The following LINGO2 variants were observed in gnomAD, a reference collection of about 807,000 sequenced individuals.
LINGO2 encodes leucine rich repeat and Ig domain containing 2, also known as leucine-rich repeat and immunoglobulin-like domain-containing nogo receptor-interacting protein 2.
A neutral mutation model predicts 30.6 loss-of-function variants in LINGO2; 14 were observed. The observed-to-expected ratio is 0.46, with a 90% CI of 0.30 to 0.72. LINGO2 has a LOEUF of 0.72. LINGO2 is among the 30% of genes least tolerant of loss of function. LINGO2 has a pLI of 0.07. For missense variants in LINGO2, 729 were observed against 751.7 expected (o/e 0.97, Z 0.35); for synonymous variants, 317 against 288.5 (o/e 1.10, Z -1.00).
the LINGO2 span, among the ~76,000 whole-genome samples, chr9:28,884,871 C>G: frequency 7.4e-6 from 1 of 134,696 alleles, no homozygotes; most frequent in Non-Finnish European, 1.6e-5. Context: ...TATATACACA[C>G]ATATACACTA....
the LINGO2 span, among the ~76,000 whole-genome samples, chr9:28,711,812 G>C: frequency 1.8e-4 from 28 of 152,160 alleles, no homozygotes; most frequent in Non-Finnish European, 3.2e-4. Flanking sequence ...AACACATTTA[G>C]TACAGTGCCT....
At chr9:28,815,814 C>A in the LINGO2 span, among the ~76,000 whole-genome samples, 5 of 152,184 alleles carry the variant, frequency 3.3e-5, no homozygotes, top group Admixed American at 2.6e-4. Context: ...CATGGGATTG[C>A]CTCTAGAAGA....
intron 1 of LINGO2, among the ~76,000 whole-genome samples, chr9:28,567,227 A>G (rs970155623): frequency 3.3e-5 from 5 of 152,168 alleles, no homozygotes; most frequent in African/African-American, 9.6e-5. Flanking sequence ...GGAAAACAGT[A>G]GAAAATTTCT....
At chr9:28,159,048 T>A (rs1004122711) in intron 4 of LINGO2, among the ~76,000 whole-genome samples, 1 of 152,216 alleles carries the variant, frequency 6.6e-6, no homozygotes, top group African/African-American at 2.4e-5. Context: ...TAGATATGAA[T>A]GACTGCTAGA....
chr9:28,087,607 G>C (rs568654485), intron 4 of LINGO2, among the ~76,000 whole-genome samples: 1 of 152,054 alleles, frequency 6.6e-6, no homozygotes, highest in East Asian at 1.9e-4. Flanking sequence ...TCATGAAATA[G>C]ATCCCTATGT....
At chr9:28,867,709 C>T in the LINGO2 span, among the ~76,000 whole-genome samples, 1 of 152,020 alleles carries the variant, frequency 6.6e-6, no homozygotes, top group Non-Finnish European at 1.5e-5. Flanking sequence ...TTGAGGCACA[C>T]AAAAAAGTGT....
At chr9:28,561,370 G>A (rs952775675) in intron 1 of LINGO2, among the ~76,000 whole-genome samples, 1 of 151,632 alleles carries the variant, frequency 6.6e-6, no homozygotes, top group African/African-American at 2.4e-5. Context: ...AGTATCATAG[G>A]GAATCTGTGG....
chr9:28,693,661 T>C, the LINGO2 span, among the ~76,000 whole-genome samples: 4 of 152,222 alleles, frequency 2.6e-5, no homozygotes, highest in South Asian at 2.1e-4. Flanking sequence ...TGGAGTTAAA[T>C]AAGTTCTCAT....
chr9:28,745,815 T>G, the LINGO2 span, among the ~76,000 whole-genome samples: 1 of 152,048 alleles, frequency 6.6e-6, no homozygotes, highest in South Asian at 2.1e-4. Context: ...ACTCCAATGT[T>G]TGTGTCCTGA....
chr9:28,252,839 T>C (rs1330022416), intron 4 of LINGO2, among the ~76,000 whole-genome samples: 4 of 152,114 alleles, frequency 2.6e-5, no homozygotes, highest in Admixed American at 6.5e-5. Context: ...GATTTAATTA[T>C]GCCTATACAG....
chr9:28,268,524 C>T (rs1276226737), intron 4 of LINGO2, among the ~76,000 whole-genome samples: 3 of 152,162 alleles, frequency 2.0e-5, no homozygotes, highest in South Asian at 4.1e-4. Context: ...AGAGGTCTTA[C>T]ATTTTATTCT....
chr9:28,570,278 C>T (rs111304447), intron 1 of LINGO2, among the ~76,000 whole-genome samples: 10 of 151,948 alleles, frequency 6.6e-5, no homozygotes, highest in East Asian at 3.9e-4. Context: ...TACCACGTCA[C>T]GGCTATTATG....
At chr9:28,904,170 T>TAA in the LINGO2 span, among the ~76,000 whole-genome samples, 88,409 of 149,318 alleles carry the variant, frequency 0.59, 26,413 homozygotes, top group Admixed American at 0.66. Flanking sequence ...CCTTTTATGA[T>TAA]AAAAAAAAAA....
chr9:28,221,705 A>T (rs932946356), intron 4 of LINGO2, among the ~76,000 whole-genome samples: 2 of 152,318 alleles, frequency 1.3e-5, no homozygotes, highest in African/African-American at 4.8e-5. Flanking sequence ...TTACTTTTAC[A>T]ACATATAAAA....
intron 2 of LINGO2, among the ~76,000 whole-genome samples, chr9:28,416,443 G>A (rs28683620): frequency 0.12 from 18,409 of 152,074 alleles, 1,293 homozygotes; most frequent in East Asian, 0.24. Context: ...ATTTACTAAA[G>A]TGTGTCATCA....
chr9:27,979,640 T>C (rs762575947), intron 5 of LINGO2, among the ~76,000 whole-genome samples: 2 of 151,974 alleles, frequency 1.3e-5, no homozygotes, highest in Non-Finnish European at 2.9e-5. Flanking sequence ...TGGAAAAGTA[T>C]GTAATCTTTA....
At chr9:28,677,964 T>G in the LINGO2 span, among the ~76,000 whole-genome samples, 1 of 151,840 alleles carries the variant, frequency 6.6e-6, no homozygotes. Flanking sequence ...TCATTATTAC[T>G]GCCACCCCCA....
chr9:29,032,417 A>T, the LINGO2 span, among the ~76,000 whole-genome samples: 1 of 152,278 alleles, frequency 6.6e-6, no homozygotes, highest in Non-Finnish European at 1.5e-5. Flanking sequence ...AATTCAGATA[A>T]CTACTTTTTA....
chr9:29,115,934 A>T, the LINGO2 span, among the ~76,000 whole-genome samples: 3 of 152,220 alleles, frequency 2.0e-5, no homozygotes, highest in African/African-American at 7.2e-5. Context: ...TTTTAACTGT[A>T]TATCACTTAT....
Sources: gnomAD v4.1 joint callset for allele counts (sites outside exome capture counted in the v4.1 genomes callset) on GRCh38, gnomAD v4.1.1 for gene constraint, MANE v1.5 for transcripts, NCBI Gene and HGNC (gene_info 2026-07-23, HGNC 2026-07-21) for gene names.